Variants in PTPRG observed in about 807,000 individuals in gnomAD.
PTPRG encodes protein tyrosine phosphatase receptor type G.
A neutral mutation model predicts 165.3 loss-of-function variants in PTPRG; 102 were observed. The ratio of observed to expected loss-of-function variants is 0.62; its 90% CI spans 0.53 to 0.73. PTPRG has a LOEUF of 0.73. PTPRG is among the 30% of genes least tolerant of loss of function. The pLI is 0.00. For synonymous variants in PTPRG, 675 were observed against 669.5 expected (o/e 1.01, Z -0.13); for missense variants, 1,866 against 1,861.4 (o/e 1.00, Z -0.05).
At chr3:61,773,302 G>T (rs1315125590) in intron 2 of PTPRG, among the ~76,000 whole-genome samples, 3 of 152,130 alleles carry the variant, frequency 2.0e-5, no homozygotes, top group Admixed American at 6.5e-5. Flanking sequence ...TTACCAGGTA[G>T]AATATTTGAG....
chr3:61,978,624 T>G (rs980240331), intron 2 of PTPRG, among the ~76,000 whole-genome samples: 9 of 152,238 alleles, frequency 5.9e-5, no homozygotes, highest in Admixed American at 3.3e-4. Context: ...ACATAAGGTA[T>G]GCAGATGTAC....
chr3:62,151,025 G>A (rs1176783324), intron 6 of PTPRG, among the ~76,000 whole-genome samples: 1 of 152,104 alleles, frequency 6.6e-6, no homozygotes, highest in African/African-American at 2.4e-5. Flanking sequence ...ACCAAGAAAT[G>A]CAATCAATCA....
At chr3:61,989,304 T>G (rs2040830696) in intron 2 of PTPRG, among the ~76,000 whole-genome samples, 1 of 152,252 alleles carries the variant, frequency 6.6e-6, no homozygotes, top group Admixed American at 6.5e-5. Flanking sequence ...ATAAATGCTC[T>G]GCTTATTTTA....
intron 2 of PTPRG, among the ~76,000 whole-genome samples, chr3:61,839,000 C>T (rs1373657159): frequency 6.6e-6 from 1 of 152,074 alleles, no homozygotes; most frequent in East Asian, 1.9e-4. Flanking sequence ...AAAACCAAAG[C>T]TTTATGAATT....
chr3:61,637,521 T>A (rs1701944873), intron 1 of PTPRG, among the ~76,000 whole-genome samples: 1 of 152,172 alleles, frequency 6.6e-6, no homozygotes, highest in South Asian at 2.1e-4. Flanking sequence ...TTTCTGAATG[T>A]CAAAACTGAG....
At chr3:62,036,979 G>GCACACA (rs1350734287) in intron 4 of PTPRG, among the ~76,000 whole-genome samples, 2 of 77,156 alleles carry the variant, frequency 2.6e-5, no homozygotes, top group African/African-American at 1.0e-4. Context: ...GTGCGCGCGC[G>GCACACA]CACGCACACA....
chr3:61,919,212 G>A (rs903749773), intron 2 of PTPRG, among the ~76,000 whole-genome samples: 5 of 152,110 alleles, frequency 3.3e-5, no homozygotes, highest in Non-Finnish European at 7.3e-5. Flanking sequence ...ATCAGATACC[G>A]GCTCATCTCC....
chr3:61,680,065 G>C (rs1429647991), intron 1 of PTPRG, among the ~76,000 whole-genome samples: 3 of 152,134 alleles, frequency 2.0e-5, no homozygotes, highest in Non-Finnish European at 4.4e-5. Context: ...CAAAACTGAT[G>C]AGCAGAGCAA....
chr3:61,898,631 AT>A (rs1459504972), intron 2 of PTPRG, among the ~76,000 whole-genome samples: 9 of 152,326 alleles, frequency 5.9e-5, no homozygotes, highest in African/African-American at 2.2e-4. Context: ...TTGCCCAGGC[AT>A]TACCTCTCCT....
intron 2 of PTPRG, among the ~76,000 whole-genome samples, chr3:61,908,859 C>T (rs192384770): frequency 3.3e-5 from 5 of 152,246 alleles, no homozygotes; most frequent in Admixed American, 1.3e-4. Flanking sequence ...CTCCAGTTCC[C>T]GAATTTGTTG....
chr3:61,607,473 G>GCA (rs373932619), intron 1 of PTPRG, among the ~76,000 whole-genome samples: 1 of 116,674 alleles, frequency 8.6e-6, no homozygotes, highest in Non-Finnish European at 1.8e-5. Flanking sequence ...GTCTGAGACT[G>GCA]CTCAGCCACA....
intron 3 of PTPRG, among the ~76,000 whole-genome samples, chr3:62,000,617 CA>C (rs1045974222): frequency 6.6e-6 from 1 of 152,052 alleles, no homozygotes; most frequent in Non-Finnish European, 1.5e-5. Flanking sequence ...GATGCCATCT[CA>C]AAAAAAGTAA....
chr3:61,686,892 A>G (rs1703650114), intron 1 of PTPRG, among the ~76,000 whole-genome samples: 1 of 152,198 alleles, frequency 6.6e-6, no homozygotes. Flanking sequence ...TCATGGTATT[A>G]ATGGTTGGTG....
chr3:62,208,790 G>A (rs1700288923), intron 12 of PTPRG, among the ~76,000 whole-genome samples: 2 of 152,214 alleles, frequency 1.3e-5, no homozygotes, highest in African/African-American at 4.8e-5. Context: ...TTTAATTACA[G>A]AAATAATAAC....
chr3:61,823,671 G>A (rs1310346151), intron 2 of PTPRG, among the ~76,000 whole-genome samples: 3 of 152,162 alleles, frequency 2.0e-5, no homozygotes, highest in African/African-American at 4.8e-5. Flanking sequence ...TTGTAGACTA[G>A]CTTAATAAGG....
At chr3:61,626,024 G>A (rs1038654493) in intron 1 of PTPRG, among the ~76,000 whole-genome samples, 2 of 99,214 alleles carry the variant, frequency 2.0e-5, no homozygotes, top group Non-Finnish European at 4.0e-5. Context: ...TTTTTTTTTT[G>A]GGGGGGCGGG....
intron 2 of PTPRG, chr3:61,753,724 G>A (rs2033537933): frequency 2.5e-6 from 1 of 400,820 alleles, no homozygotes; most frequent in South Asian, 1.9e-5. Flanking sequence ...CTCTCAAGTA[G>A]CTGGGATTAT....
intron 1 of PTPRG, among the ~76,000 whole-genome samples, chr3:61,623,978 C>T (rs985859148): frequency 1.3e-5 from 2 of 152,348 alleles, no homozygotes; most frequent in African/African-American, 4.8e-5. Flanking sequence ...CTGTTAGCCT[C>T]ACTGCCTCCT....
chr3:61,760,010 G>A (rs1225693841), intron 2 of PTPRG, among the ~76,000 whole-genome samples: 1 of 151,940 alleles, frequency 6.6e-6, no homozygotes. Context: ...GTTTTGATGT[G>A]TTACATTTCC....
Sources: gnomAD v4.1 joint callset for allele counts (sites outside exome capture counted in the v4.1 genomes callset) on GRCh38, gnomAD v4.1.1 for gene constraint, MANE v1.5 for transcripts, NCBI Gene and HGNC (gene_info 2026-07-23, HGNC 2026-07-21) for gene names.